The following MCC variants were observed in gnomAD, a reference collection of about 807,000 sequenced individuals.
MCC encodes colorectal mutant cancer protein.
Under a neutral mutation model 116.2 loss-of-function variants are expected in MCC, and 90 were observed. The ratio of observed to expected loss-of-function variants is 0.77; its 90% CI spans 0.65 to 0.92. MCC has a LOEUF of 0.92. MCC is among the 40% of genes least tolerant of loss of function. The probability of loss-of-function intolerance (pLI) is 0.00; values close to 1 mark genes in which losing one functional copy is unlikely to be tolerated. For synonymous variants in MCC, 578 were observed against 510.5 expected (o/e 1.13, Z -1.78); for missense variants, 1,516 against 1,312.2 (o/e 1.16, Z -2.40).
intron 6 of MCC, among the ~76,000 whole-genome samples, chr5:113,116,415 T>G (rs1757397227): frequency 6.6e-6 from 1 of 152,236 alleles, no homozygotes; most frequent in South Asian, 2.1e-4. Flanking sequence ...TCCTTTATTA[T>G]AATGCTGGTT....
intron 8 of MCC, among the ~76,000 whole-genome samples, chr5:113,099,365 T>C (rs544299109): frequency 1.3e-5 from 2 of 152,240 alleles, no homozygotes; most frequent in Non-Finnish European, 2.9e-5. Flanking sequence ...TGTGTAATTA[T>C]CCAATGTCCA....
chr5:113,306,052 A>G (rs1469040503), intron 3 of MCC, among the ~76,000 whole-genome samples: 1 of 152,150 alleles, frequency 6.6e-6, no homozygotes, highest in Admixed American at 6.5e-5. Context: ...GCCTGTTTTC[A>G]AGTTTTATCC....
intron 3 of MCC, among the ~76,000 whole-genome samples, chr5:113,211,056 TTGAC>T (rs1312122720): frequency 6.6e-6 from 1 of 152,228 alleles, no homozygotes; most frequent in African/African-American, 2.4e-5. Flanking sequence ...ATGCTATCAA[TTGAC>T]TGAGTCTCTT....
intron 3 of MCC, among the ~76,000 whole-genome samples, chr5:113,160,861 G>T (rs1243483230): frequency 6.6e-6 from 1 of 152,154 alleles, no homozygotes; most frequent in African/African-American, 2.4e-5. Flanking sequence ...TTCTATGTGG[G>T]AAAGTTAAAG....
At chr5:113,136,896 G>C (rs894664010) in intron 5 of MCC, among the ~76,000 whole-genome samples, 2 of 152,122 alleles carry the variant, frequency 1.3e-5, no homozygotes, top group Non-Finnish European at 2.9e-5. Flanking sequence ...GTTTTACGTT[G>C]GGTAACAGTG....
Position 113,488,306 on chromosome 5 carries a change from C to G in MCC, c.109G>C (p.Glu37Gln), listed in dbSNP as rs1391917356. The G allele has an allele frequency of 6.3e-7, 1 of 1,591,426 alleles. No individual in the cohort carries two copies. The highest frequency in any genetic ancestry group is 8.5e-7 in the Non-Finnish European group (1 of 1,170,850). ...SSSDTSSTGE[E>Q]ERMRRLFQTC... ...TGGAAGAGGCGCCGCATCCTCTCCTCCTCGCCGGTGCTGGACGTGTCGCTG... is the reference window on the plus strand; with the variant it reads ...TGGAAGAGGCGCCGCATCCTCTCCTGCTCGCCGGTGCTGGACGTGTCGCTG... The change falls in exon 1 of 19, where the codon GAG (glutamate) becomes CAG (glutamine). Residue 37 changes from glutamate to glutamine, a missense_variant. Glu to Gln is a conservative substitution (Grantham distance 29). Coordinates refer to ENST00000408903, the MANE Select transcript of MCC (RefSeq NM_001085377.2).
rs139729727 is a variant in MCC at position 113,336,702 on chromosome 5, G to A, written c.627+3817C>T. ...CATTTGTGTAAGGTCTAGCCCTTAG[G>A]ATAATAAATCTCTTATTCTGTATAA... On this transcript the variant is annotated intron_variant, in intron 3 of 18. Coordinates refer to ENST00000408903, the MANE Select transcript of MCC (RefSeq NM_001085377.2). Among the ~76,000 whole-genome samples, 115 of 152,288 alleles carry A rather than the reference G, an allele frequency of 7.6e-4. 1 individual carries two copies. The Middle Eastern group carries it at 0.014, about 18-fold the overall frequency.
chr5:113,074,349 A>C (rs2150236392), intron 11 of MCC, among the ~76,000 whole-genome samples: 1 of 152,362 alleles, frequency 6.6e-6, no homozygotes, highest in East Asian at 1.9e-4. Flanking sequence ...TAACAAACAG[A>C]AAGGACATCC....
intron 3 of MCC, among the ~76,000 whole-genome samples, chr5:113,182,423 G>C (rs911865011): frequency 2.0e-5 from 3 of 152,132 alleles, no homozygotes; most frequent in African/African-American, 7.2e-5. Flanking sequence ...CTATGCACCA[G>C]GCATTCTGTT....
At chr5:113,057,388 A>G (rs1561763020) in intron 14 of MCC, among the ~76,000 whole-genome samples, 1 of 152,178 alleles carries the variant, frequency 6.6e-6, no homozygotes, top group Non-Finnish European at 1.5e-5. Context: ...AGCTACAGCA[A>G]CAATTCCAGG....
intron 2 of MCC, among the ~76,000 whole-genome samples, chr5:113,348,954 G>A (rs1352552801): frequency 6.6e-6 from 1 of 152,028 alleles, no homozygotes; most frequent in Non-Finnish European, 1.5e-5. Flanking sequence ...GGAAAACCTA[G>A]AGGAAATGGA....
Position 113,335,335 on chromosome 5 carries a change from T to C in MCC, c.627+5184A>G, listed in dbSNP as rs1165368285. Among the ~76,000 whole-genome samples, 3 of 151,800 alleles carry C rather than the reference T, an allele frequency of 2.0e-5. No individual in the cohort carries two copies. The East Asian group carries it at 5.8e-4, about 29-fold the overall frequency. ...TCTGTTGTCCACATGGCTTCTCTTCTAGTATAATTAATTTTAATGTACATC... is the reference window on the plus strand; with the variant it reads ...TCTGTTGTCCACATGGCTTCTCTTCCAGTATAATTAATTTTAATGTACATC... On this transcript the variant is annotated intron_variant, in intron 3 of 18. Transcript: ENST00000408903.
At chr5:113,076,112 G>T (rs559665589) in intron 11 of MCC, among the ~76,000 whole-genome samples, 1 of 152,198 alleles carries the variant, frequency 6.6e-6, no homozygotes, top group Non-Finnish European at 1.5e-5. Flanking sequence ...CTTCATTCTT[G>T]AAGTCAGCAA....
At chr5:113,443,182 G>C (rs949923336) in intron 1 of MCC, among the ~76,000 whole-genome samples, 4 of 152,134 alleles carry the variant, frequency 2.6e-5, no homozygotes, top group African/African-American at 9.7e-5. Flanking sequence ...TTGAGTGGTG[G>C]TTTGTAGTTC....
chr5:113,049,324 C>T (rs1752335014), intron 15 of MCC, 25 bp from the exon 16 acceptor site: 1 of 1,537,498 alleles, frequency 6.5e-7, no homozygotes, highest in Non-Finnish European at 8.8e-7. Flanking sequence ...GCACAGAGCA[C>T]ATGAGGCATG....
At chr5:113,194,944 G>GT (rs1487559591) in intron 3 of MCC, among the ~76,000 whole-genome samples, 1 of 152,216 alleles carries the variant, frequency 6.6e-6, no homozygotes, top group African/African-American at 2.4e-5. Context: ...TCTGTTGTCA[G>GT]TGACAACATC....
intron 3 of MCC, among the ~76,000 whole-genome samples, chr5:113,231,652 T>C (rs1175098989): frequency 6.6e-6 from 1 of 152,168 alleles, no homozygotes; most frequent in Non-Finnish European, 1.5e-5. Context: ...AGGAAGAAAA[T>C]GTCAACAAAT....
intron 4 of MCC, among the ~76,000 whole-genome samples, chr5:113,144,074 C>T (rs1178555500): frequency 6.6e-6 from 1 of 152,150 alleles, no homozygotes; most frequent in Admixed American, 6.5e-5. Context: ...TGTGGGTGAT[C>T]TAGGAGTGTT....
At chr5:113,152,555 G>A (rs1759944425) in intron 3 of MCC, among the ~76,000 whole-genome samples, 1 of 152,212 alleles carries the variant, frequency 6.6e-6, no homozygotes, top group Non-Finnish European at 1.5e-5. Context: ...TTTAAAGATG[G>A]ACACAGGACG....
Sources: gnomAD v4.1 joint callset for allele counts (sites outside exome capture counted in the v4.1 genomes callset) on GRCh38, gnomAD v4.1.1 for gene constraint, MANE v1.5 for transcripts, NCBI Gene and HGNC (gene_info 2026-07-23, HGNC 2026-07-21) for gene names.